Variants in CASTOR2 observed in about 807,000 individuals in gnomAD.
CASTOR2 encodes the protein cytosolic arginine sensor for mTORC1 subunit 2, also known as GATS protein like 2.
A neutral mutation model predicts 31.2 loss-of-function variants in CASTOR2; 8 were observed. The observed-to-expected ratio is 0.26, with a 90% CI of 0.15 to 0.46. The LOEUF is 0.46. Ranked by LOEUF, CASTOR2 falls within the 20% of genes least tolerant of loss-of-function variation. CASTOR2 has a pLI of 0.99. For synonymous variants in CASTOR2, 162 were observed against 158.7 expected (o/e 1.02, Z -0.16); for missense variants, 216 against 382.1 (o/e 0.57, Z 3.62).
intron 1 of CASTOR2, among the ~76,000 whole-genome samples, chr7:74,983,415 G>A (rs1229795488): frequency 6.8e-6 from 1 of 147,262 alleles, no homozygotes; most frequent in Non-Finnish European, 1.5e-5. Flanking sequence ...CTCTGATGAC[G>A]TCCCCACCCA....
At chr7:74,995,445 G>A (rs1260548873) in intron 1 of CASTOR2, among the ~76,000 whole-genome samples, 1 of 147,170 alleles carries the variant, frequency 6.8e-6, no homozygotes, top group Non-Finnish European at 1.5e-5. Context: ...GCGGGAAGAT[G>A]TCTTGAGGCC....
rs782362434 is a variant in CASTOR2, at chr7:74,993,800, T to TA, written c.114-14177dup. 4.5e-3 allele frequency among the ~76,000 whole-genome samples: 627 copies of TA among 140,852 alleles called. 2 individuals carry two copies. Among genetic ancestry groups the TA allele is most frequent in the Middle Eastern group, 7.4e-3 (2 of 272 alleles). The allele number at this position is 140,852 out of a possible 152,430, so 92.4% of individuals were successfully genotyped here. A position where few individuals can be genotyped will look rare whatever the true frequency, so the allele number is the denominator to read the frequency against. On this transcript the variant is annotated intron_variant, in intron 1 of 8. Coordinates refer to ENST00000616305, the MANE Select transcript of CASTOR2 (RefSeq NM_001145064.3). ...ACTGGTGGTAAACTGTGCCACAGAT[T>TA]AAAAAAAAAAAAAAAAACACTTGTA...
At chr7:74,984,385 G>A (rs1234528942) in intron 1 of CASTOR2, among the ~76,000 whole-genome samples, 5 of 151,890 alleles carry the variant, frequency 3.3e-5, no homozygotes, top group African/African-American at 4.8e-5. Flanking sequence ...CGTTTGGCTC[G>A]TTGGAAGTGG....
intron 1 of CASTOR2, among the ~76,000 whole-genome samples, chr7:74,998,708 T>G (rs782704343): frequency 6.6e-6 from 1 of 151,814 alleles, no homozygotes; most frequent in East Asian, 1.9e-4. Flanking sequence ...GAAAGGAAGT[T>G]GGGCTGGGGA....
rs1359019944 is a variant in CASTOR2, at chr7:74,988,118, C to T, written c.114-19876C>T. On this transcript the variant is annotated intron_variant, in intron 1 of 8. Coordinates refer to ENST00000616305, the MANE Select transcript of CASTOR2 (RefSeq NM_001145064.3). ...TCTGTGTCCAGAGATGGCCGATGGT[C>T]ACGGGTCACTCCTTTTTTTTTTCTT... is the stretch of plus-strand genomic sequence containing the variant. Among the ~76,000 whole-genome samples the T allele has an allele frequency of 5.2e-4, 78 of 151,368 alleles. 4 individuals are homozygous for T. Among genetic ancestry groups the T allele is most frequent in the African/African-American group, 1.8e-3 (76 of 41,204 alleles).
At chr7:74,999,599 TG>T (rs1239077460) in intron 1 of CASTOR2, among the ~76,000 whole-genome samples, 1 of 120,578 alleles carries the variant, frequency 8.3e-6, no homozygotes, top group African/African-American at 3.2e-5. Context: ...TATCACTCAC[TG>T]CTTTTTTTTT....
intron 1 of CASTOR2, among the ~76,000 whole-genome samples, chr7:74,994,499 C>T (rs1424518898): frequency 1.3e-5 from 2 of 152,098 alleles, no homozygotes; most frequent in Admixed American, 6.6e-5. Flanking sequence ...GCCTGTAATC[C>T]CAGCACTTTG....
intron 1 of CASTOR2, among the ~76,000 whole-genome samples, chr7:74,979,080 T>C (rs1194765065): frequency 1.3e-5 from 2 of 151,984 alleles, no homozygotes; most frequent in African/African-American, 4.8e-5. Flanking sequence ...GGTGGAAGGA[T>C]CGCTTGACCC....
rs1344305205 is a variant in CASTOR2, at chr7:75,029,415, T to C, written c.*4716T>C. The stretch of plus-strand genomic sequence containing the variant: ...CTGGAGTGCAGTGGTGCGATCTCGG[T>C]TCGCTGCAACCTCTGCTTCCCAGGT... On this transcript the variant is annotated 3_prime_UTR_variant, in exon 9 of 9. Coordinates refer to ENST00000616305, the MANE Select transcript of CASTOR2 (RefSeq NM_001145064.3). Among the ~76,000 whole-genome samples the C allele has an allele frequency of 6.7e-6, 1 of 149,882 alleles. No individual in the cohort carries two copies. The highest frequency in any genetic ancestry group is 1.5e-5 in the Non-Finnish European group (1 of 67,502).
chr7:75,024,685 G>A lies in CASTOR2; in HGVS notation c.976G>A (p.Ala326Thr). ...CATCAGTGCCCTGAAGGTCAGCCAA[G>A]CAGAGAAGCACTAGAAGGGTCTCTT... ...GVISALKVSQ[A>T]EKH is the part of the protein sequence containing the mutation. Residue 326 changes from alanine to threonine, a missense_variant, in exon 9 of 9, where the codon GCA becomes ACA. Physicochemically the swap from Ala to Thr is moderately conservative, Grantham distance 58. This residue lies in a region of CASTOR2 where 31 missense variants were observed against 32.7 expected (regional missense o/e 0.95). Transcript: ENST00000616305. 6.4e-7 allele frequency: 1 copy of A among 1,551,670 alleles called. No individual in the cohort carries two copies. The highest frequency in any genetic ancestry group is 8.7e-7 in the Non-Finnish European group (1 of 1,146,866).
intron 1 of CASTOR2, among the ~76,000 whole-genome samples, chr7:74,986,937 T>C (rs1804080787): frequency 1.3e-5 from 2 of 152,112 alleles, no homozygotes; most frequent in Admixed American, 6.6e-5. Flanking sequence ...ACGCCTGTAG[T>C]CCCAGCTACT....
intron 2 of CASTOR2, among the ~76,000 whole-genome samples, chr7:75,016,965 G>A (rs1179588976): frequency 5.3e-5 from 8 of 152,124 alleles, no homozygotes; most frequent in African/African-American, 1.4e-4. Context: ...TCAGGAGTTC[G>A]AGACCAGCCA....
At position 75,029,678 on chromosome 7, in the gene CASTOR2, G is replaced by C. The variant is rs1005670473; in HGVS notation, c.*4979G>C. Among the ~76,000 whole-genome samples, 3 of 152,240 alleles carry C rather than the reference G, an allele frequency of 2.0e-5. No homozygotes were observed. The South Asian group carries it at 6.2e-4, about 32-fold the overall frequency. On this transcript the variant is annotated 3_prime_UTR_variant, in exon 9 of 9. Transcript: ENST00000616305. ...TTTGACGCCACTTCCTGAGTGAAGC[G>C]CTTTGCATGGGGATGGGAAGAAGCA...
intron 1 of CASTOR2, among the ~76,000 whole-genome samples, chr7:74,975,782 G>T (rs1286366520): frequency 3.7e-5 from 5 of 134,196 alleles, no homozygotes; most frequent in Non-Finnish European, 8.0e-5. Flanking sequence ...CTAGGAGATG[G>T]TAAAAGCAAT....
chr7:74,993,491 C>G (rs1216497155), intron 1 of CASTOR2, among the ~76,000 whole-genome samples: 1 of 141,030 alleles, frequency 7.1e-6, no homozygotes, highest in Non-Finnish European at 1.5e-5. Context: ...CACTGTGTCA[C>G]CCAGGCTGGA....
chr7:74,973,059 A>C (rs1279264364), intron 1 of CASTOR2, among the ~76,000 whole-genome samples: 3 of 149,604 alleles, frequency 2.0e-5, no homozygotes, highest in African/African-American at 7.4e-5. Flanking sequence ...TCCTCGCAAC[A>C]CATTGGGCTG....
chr7:75,004,452 C>CTT (rs1192035620), intron 1 of CASTOR2, among the ~76,000 whole-genome samples: 2,006 of 136,202 alleles, frequency 0.015, 80 homozygotes, highest in African/African-American at 0.049. Context: ...CTAGCACAGG[C>CTT]TTTTTTTTTT....
intron 1 of CASTOR2, among the ~76,000 whole-genome samples, chr7:74,996,399 A>G (rs1396679273): frequency 1.3e-5 from 2 of 152,090 alleles, no homozygotes; most frequent in African/African-American, 4.8e-5. Flanking sequence ...GCGTGTCCCC[A>G]AAGTCCTTTA....
At chr7:74,996,656 C>T (rs1157668257) in intron 1 of CASTOR2, among the ~76,000 whole-genome samples, 3 of 138,226 alleles carry the variant, frequency 2.2e-5, no homozygotes, top group Admixed American at 7.8e-5. Flanking sequence ...TGCCATTAAC[C>T]AAAACCAGAA....
Sources: allele counts gnomAD v4.1 joint callset (sites outside exome capture counted in the v4.1 genomes callset), GRCh38; gene constraint gnomAD v4.1.1; regional missense constraint gnomAD v4.1.1; transcripts MANE v1.5; gene names NCBI Gene and HGNC (gene_info 2026-07-23, HGNC 2026-07-21).